Variants in TNRC18 observed in about 807,000 individuals in gnomAD.
The protein encoded by TNRC18 is trinucleotide repeat containing 18.
A neutral mutation model predicts 226.7 loss-of-function variants in TNRC18; 69 were observed. The ratio of observed to expected loss-of-function variants is 0.30; its 90% CI spans 0.25 to 0.37. The LOEUF is 0.37. Among genes scored for constraint, TNRC18 ranks in the 10% least tolerant of loss-of-function variants. The pLI, the probability that TNRC18 is intolerant of heterozygous loss-of-function variation, is 1.00. For missense variants in TNRC18, 4,754 were observed against 4,256.6 expected, an observed-to-expected ratio of 1.12 and a Z score of -3.25; for synonymous variants, 2,449 against 1,927.6, an observed-to-expected ratio of 1.27 and a Z score of -7.09.
rs144662045 is a variant in TNRC18 at position 5,389,011 on chromosome 7, G to T, written c.813C>A (p.Thr271=). 9.0e-6 allele frequency: 12 copies of T among 1,339,466 alleles called. No individual in the cohort carries two copies. The highest frequency in any genetic ancestry group is 1.2e-5 in the Non-Finnish European group (12 of 1,036,258). 83.0% of individuals were successfully genotyped at this position (1,339,466 alleles called of 1,614,324 possible). ...RLSPFLAESK[T]KNAALQPSVL... is the part of the protein sequence containing the mutation. ...CCGACGGCTGCAGCGCCGCATTCTT[G>T]GTCTTGGACTCAGCCAGGAAGGGCG... The change falls in exon 5 of 30, where the codon ACC becomes ACA. Residue 271 remains threonine (T), a synonymous_variant. Coordinates refer to ENST00000430969, the MANE Select transcript of TNRC18 (RefSeq NM_001080495.3).
At chr7:5,347,190 T>A (rs1041064816) in intron 17 of TNRC18, among the ~76,000 whole-genome samples, 93 of 120,982 alleles carry the variant, frequency 7.7e-4, no homozygotes, top group Admixed American at 1.4e-3. Flanking sequence ...AAAAAAAAAA[T>A]TTTTTTTTTT....
intron 17 of TNRC18, 103 bp downstream of exon 17, chr7:5,351,716 A>G (rs1791833445): frequency 7.4e-7 from 1 of 1,349,308 alleles, no homozygotes; most frequent in Non-Finnish European, 9.9e-7. Flanking sequence ...GGGCCTCCTC[A>G]CCCACCATCT....
Position 5,355,552 on chromosome 7 carries a change from G to A in TNRC18, c.5194+1364C>T, listed in dbSNP as rs147246248. Reference sequence around the variant, plus strand: ...TGCTTGCTTAAGGCCAGGAGTTCCAGACTAGCCTGGAAAACAGGGAGACCC... The same window carrying A: ...TGCTTGCTTAAGGCCAGGAGTTCCAAACTAGCCTGGAAAACAGGGAGACCC... On this transcript the variant is annotated intron_variant, in intron 16 of 29. Coordinates refer to ENST00000430969, the MANE Select transcript of TNRC18 (RefSeq NM_001080495.3). 3.0e-3 allele frequency among the ~76,000 whole-genome samples: 454 copies of A among 152,316 alleles called. 1 individual carries two copies. Among genetic ancestry groups the A allele is most frequent in the African/African-American group, 0.01 (429 of 41,574 alleles).
At chr7:5,330,952 G>A (rs1379166661) in intron 19 of TNRC18, among the ~76,000 whole-genome samples, 1 of 152,176 alleles carries the variant, frequency 6.6e-6, no homozygotes, top group Admixed American at 6.6e-5. Flanking sequence ...TGGGATTACA[G>A]GTGTGTGCCA....
chr7:5,402,439 G>A (rs527663367), intron 2 of TNRC18, among the ~76,000 whole-genome samples: 1 of 152,206 alleles, frequency 6.6e-6, no homozygotes, highest in Admixed American at 6.5e-5. Flanking sequence ...GGAGGCTGAG[G>A]TGGGAGAATG....
chr7:5,419,207 C>A (rs983414275), intron 2 of TNRC18, among the ~76,000 whole-genome samples: 1 of 152,284 alleles, frequency 6.6e-6, no homozygotes, highest in African/African-American at 2.4e-5. Context: ...ACTGCTGCGT[C>A]AGATTAGGCG....
At chr7:5,378,809 C>T (rs1303830467) in intron 5 of TNRC18, among the ~76,000 whole-genome samples, 2 of 152,048 alleles carry the variant, frequency 1.3e-5, no homozygotes, top group Non-Finnish European at 2.9e-5. Context: ...AAAACACAAC[C>T]CAAAAACTAG....
At chr7:5,378,562 G>A (rs187648958) in intron 5 of TNRC18, among the ~76,000 whole-genome samples, 1 of 151,946 alleles carries the variant, frequency 6.6e-6, no homozygotes, top group East Asian at 1.9e-4. Flanking sequence ...GGGACTACAG[G>A]TGCCCACCAC....
At chr7:5,354,764 C>G (rs1792167866) in intron 16 of TNRC18, among the ~76,000 whole-genome samples, 1 of 152,176 alleles carries the variant, frequency 6.6e-6, no homozygotes, top group Admixed American at 6.5e-5. Context: ...AAAAAACTAG[C>G]AGCTTAATTC....
intron 19 of TNRC18, 64 bp downstream of exon 19, chr7:5,332,558 G>C: frequency 6.9e-7 from 1 of 1,450,562 alleles, no homozygotes; most frequent in Non-Finnish European, 9.1e-7. Context: ...GGAGGGGAGA[G>C]GGCCCCTCCC....
intron 9 of TNRC18, among the ~76,000 whole-genome samples, chr7:5,375,698 AAC>A (rs1190610166): frequency 6.6e-6 from 1 of 152,072 alleles, no homozygotes; most frequent in African/African-American, 2.4e-5. Flanking sequence ...GGGCTCAGGC[AAC>A]AGCGGGAGCC....
intron 16 of TNRC18, among the ~76,000 whole-genome samples, chr7:5,356,187 A>G (rs1792355099): frequency 6.6e-6 from 1 of 151,164 alleles, no homozygotes; most frequent in Admixed American, 6.6e-5. Context: ...AAAAAAAAGA[A>G]AGAAAATAGT....
intron 15 of TNRC18, among the ~76,000 whole-genome samples, chr7:5,358,076 G>A (rs1288346959): frequency 1.3e-5 from 2 of 152,104 alleles, no homozygotes; most frequent in South Asian, 2.1e-4. Flanking sequence ...AGATTGAAGC[G>A]CAGCTGATAT....
intron 21 of TNRC18, among the ~76,000 whole-genome samples, chr7:5,322,603 C>T (rs1404415075): frequency 6.6e-6 from 1 of 152,228 alleles, no homozygotes; most frequent in Non-Finnish European, 1.5e-5. Context: ...ACCTCTGAGA[C>T]TTTCCATCCA....
Position 5,313,743 on chromosome 7 carries a change from C to T in TNRC18, c.7148G>A (p.Arg2383Gln), listed in dbSNP as rs775854911. 7.6e-6 allele frequency: 12 copies of T among 1,570,674 alleles called. No homozygotes were observed. In the Admixed American group the frequency reaches 9.0e-5, roughly 12 times the overall value. ...CGGGCGCGCCTTGGGGGCCTTGGCT[C>T]GCTTGTCCACAGGCTCTGGGGGGCT... ...KKSPPEPVDK[R>Q]AKAPKARPAP... The change falls in exon 27 of 30, where the codon CGA (arginine) becomes CAA (glutamine). Residue 2383 changes from arginine to glutamine, a missense_variant. Physicochemically the swap from Arg to Gln is conservative, Grantham distance 43. Coordinates refer to ENST00000430969, the MANE Select transcript of TNRC18 (RefSeq NM_001080495.3).
chr7:5,334,067 T>C (rs1789833896), intron 18 of TNRC18, among the ~76,000 whole-genome samples: 1 of 152,188 alleles, frequency 6.6e-6, no homozygotes, highest in Admixed American at 6.5e-5. Flanking sequence ...GCAATCTCTA[T>C]GACAGTCCCT....
chr7:5,345,517 G>GCTC lies in TNRC18; in HGVS notation c.5719+44_5719+45insGAG. ...CCTGTGGGATGGGGCAATGGCGTCCGCCCCTCCCACCCACCCCCACCGCAG... is the reference window on the plus strand; with the variant it reads ...CCTGTGGGATGGGGCAATGGCGTCCGCTCCCCCTCCCACCCACCCCCACCGCAG... On this transcript the variant is annotated intron_variant, in intron 18 of 29. Coordinates refer to ENST00000430969, the MANE Select transcript of TNRC18 (RefSeq NM_001080495.3). 2.6e-4 allele frequency: 99 copies of GCTC among 377,742 alleles called. 2 individuals carry two copies. Among genetic ancestry groups the GCTC allele is most frequent in the South Asian group, 1.6e-3 (36 of 22,822 alleles). 23.4% of individuals were successfully genotyped at this position (377,742 alleles called of 1,614,324 possible).
intron 2 of TNRC18, among the ~76,000 whole-genome samples, chr7:5,404,143 C>T (rs10215470): frequency 0.016 from 2,457 of 152,296 alleles, 68 homozygotes; most frequent in African/African-American, 0.054. Context: ...GAGGCCAAGG[C>T]GGTTCGATCA....
intron 5 of TNRC18, among the ~76,000 whole-genome samples, chr7:5,384,258 A>G (rs911279290): frequency 6.6e-6 from 1 of 151,870 alleles, no homozygotes; most frequent in Non-Finnish European, 1.5e-5. Context: ...GTGAGCCACC[A>G]CGCCCAACCT....
Sources: allele counts gnomAD v4.1 joint callset (sites outside exome capture counted in the v4.1 genomes callset), GRCh38; gene constraint gnomAD v4.1.1; transcripts MANE v1.5; gene names NCBI Gene and HGNC (gene_info 2026-07-23, HGNC 2026-07-21).